ZNF276: variants seen among roughly 807,000 people sequenced by gnomAD.
The protein encoded by ZNF276 is zinc finger protein 276.
Under a neutral mutation model 63.9 loss-of-function variants are expected in ZNF276, and 59 were observed. The ratio of observed to expected loss-of-function variants is 0.92; its 90% confidence interval spans 0.75 to 1.15. The LOEUF (loss-of-function observed/expected upper bound fraction) is 1.15. Among genes scored for constraint, ZNF276 ranks in the 50% most tolerant of loss-of-function variants. ZNF276 has a pLI of 0.00. For missense variants in ZNF276, 1,084 were observed against 843.8 expected, an observed-to-expected ratio of 1.28 and a Z score of -3.53; for synonymous variants, 496 against 348.4, an observed-to-expected ratio of 1.42 and a Z score of -4.72.
chr16:89,739,659 T>C lies in ZNF276; in HGVS notation c.*1413T>C. On this transcript the variant is annotated 3_prime_UTR_variant, in exon 11 of 11. Transcript: ENST00000443381. ...ACGTGTACCCTGGGAGGCCTGGCTG[T>C]GGGGATAGTGTGGGGCGAACAGCCT... The C allele has an allele frequency of 2.7e-6, 4 of 1,507,722 alleles. No individual in the cohort carries two copies. Among genetic ancestry groups the C allele is most frequent in the Non-Finnish European group, 3.6e-6 (4 of 1,111,464 alleles). 93.4% of individuals were successfully genotyped at this position (1,507,722 alleles called of 1,614,324 possible).
At position 89,740,151 on chromosome 16, in the gene ZNF276, G is replaced by A. The variant is rs1216610618; in HGVS notation, c.*1905G>A. The A allele has an allele frequency of 7.1e-7, 1 of 1,398,728 alleles. No individual in the cohort carries two copies. 86.6% of individuals were successfully genotyped at this position (1,398,728 alleles called of 1,614,324 possible). Reference sequence around the variant, plus strand: ...AGAATGGCCGACCTGGTGCTCCCATGGGTAGGAGGGTACAGCCCTCAGCAC... The same window carrying A: ...AGAATGGCCGACCTGGTGCTCCCATAGGTAGGAGGGTACAGCCCTCAGCAC... On this transcript the variant is annotated 3_prime_UTR_variant, in exon 11 of 11. Transcript: ENST00000443381.
At chr16:89,720,510 A>T, upstream of ZNF276, 1 of 1,143,634 alleles carries the variant, frequency 8.7e-7, no homozygotes, top group Non-Finnish European at 1.1e-6. Context: ...CTACAGGTGG[A>T]GCCCAGGCTG....
intron 8 of ZNF276, 85 bp downstream of exon 8, chr16:89,733,642 C>CA (rs2061749184): frequency 6.7e-7 from 1 of 1,501,082 alleles, no homozygotes; most frequent in Admixed American, 1.7e-5. Context: ...CAGCCTAACT[C>CA]AGACTTGCGC....
In ZNF276 at chr16:89,739,546, C is replaced by T. The variant is rs2151713027; in HGVS notation, c.*1300C>T. The T allele has an allele frequency of 1.3e-6, 2 of 1,551,260 alleles. No homozygotes were observed. The highest frequency in any genetic ancestry group is 1.7e-6 in the Non-Finnish European group (2 of 1,147,020). ...CCACACGGAGGAGGAGCCGCCCCAGCCTGAGGTCTGCAACACCAAGAAGTG... is the reference window on the plus strand; with the variant it reads ...CCACACGGAGGAGGAGCCGCCCCAGTCTGAGGTCTGCAACACCAAGAAGTG... On this transcript the variant is annotated 3_prime_UTR_variant, in exon 11 of 11. Coordinates refer to ENST00000443381, the MANE Select transcript of ZNF276 (RefSeq NM_001113525.2).
chr16:89,723,855 C>G lies in ZNF276; in HGVS notation c.1006+146C>G, dbSNP rs914290669. The G allele has an allele frequency of 5.5e-6, 5 of 904,888 alleles. No homozygotes were observed. The East Asian group carries it at 1.1e-4, about 19-fold the overall frequency. 56.1% of individuals were successfully genotyped at this position (904,888 alleles called of 1,614,324 possible). ...GAGCAGAGCTTGGGGCTTCTGCCTG[C>G]GGCTGCTCACCACATCCAGAGAGCA... is the stretch of plus-strand genomic sequence containing the variant. On this transcript the variant is annotated intron_variant, in intron 4 of 10. Transcript: ENST00000443381.
At position 89,734,051 on chromosome 16, in the gene ZNF276, C is replaced by G; in HGVS notation, c.1474+13C>G. The G allele has an allele frequency of 2.5e-6, 4 of 1,611,276 alleles. No individual in the cohort carries two copies. The highest frequency in any genetic ancestry group is 3.4e-6 in the Non-Finnish European group (4 of 1,177,838). The stretch of plus-strand genomic sequence containing the variant: ...CTCATCCACACAGGTACGCCTATCG[C>G]CAGTGTCGCCCACGCGGGTGACAGC... On this transcript the variant is annotated intron_variant, in intron 9 of 10. Transcript: ENST00000443381.
In ZNF276 at chr16:89,722,812, G is replaced by C. The variant is rs748405201; in HGVS notation, c.487G>C (p.Gly163Arg). 1 of 1,604,266 alleles carries C rather than the reference G, an allele frequency of 6.2e-7. No homozygotes were observed. Among genetic ancestry groups the C allele is most frequent in the Non-Finnish European group, 8.5e-7 (1 of 1,179,908 alleles). The change falls in exon 2 of 11, where the codon GGT becomes CGT. Residue 163 changes from glycine to arginine, a missense_variant. Transcript: ENST00000443381. The stretch of plus-strand genomic sequence containing the variant: ...GCAGAGGGTCAACGCCTCCCCGGCT[G>C]GTCGCCGGAAGCCTTGTGCAAAGTA... ...FLQRVNASPAGRRKPCAKVGA... is the reference protein window; with the variant it reads ...FLQRVNASPARRRKPCAKVGA...
chr16:89,739,263 G>T lies in ZNF276; in HGVS notation c.*1017G>T, dbSNP rs201886956. The T allele has an allele frequency of 6.2e-7, 1 of 1,614,146 alleles. No homozygotes were observed. Among genetic ancestry groups the T allele is most frequent in the Non-Finnish European group, 8.5e-7 (1 of 1,180,044 alleles). On this transcript the variant is annotated 3_prime_UTR_variant, in exon 11 of 11. Transcript: ENST00000443381. ...CAGGAAGGCCTCTTCCCTGATGGCC[G>T]CGTCTTCATGGAAGTAGGAGAGAAG...
At chr16:89,723,224 A>G in intron 3 of ZNF276, 36 bp from the exon 4 acceptor site, 1 of 1,613,210 alleles carries the variant, frequency 6.2e-7, no homozygotes, top group African/African-American at 1.3e-5. Context: ...GGTGCCGACC[A>G]GCCGTGGATC....
chr16:89,737,442 G>A (rs904891623), intron 9 of ZNF276: 5 of 268,842 alleles, frequency 1.9e-5, no homozygotes, highest in African/African-American at 8.8e-5. Flanking sequence ...AATCGCTTGA[G>A]CCTGGGAGGC....
chr16:89,735,072 G>A (rs1471948869), intron 9 of ZNF276, among the ~76,000 whole-genome samples: 3 of 151,988 alleles, frequency 2.0e-5, no homozygotes, highest in African/African-American at 7.2e-5. Flanking sequence ...GGTGGAGGTT[G>A]CAGTGAGCCG....
Position 89,738,858 on chromosome 16 carries a change from C to G in ZNF276, c.*612C>G. On this transcript the variant is annotated 3_prime_UTR_variant, in exon 11 of 11. Transcript: ENST00000443381. ...TCAATTCTCATGTCCCCCACATGGC[C>G]CAAGGTGGGCATCTTGACGTTACCT... is the stretch of plus-strand genomic sequence containing the variant. The G allele has an allele frequency of 6.2e-7, 1 of 1,614,228 alleles. No homozygotes were observed. Among genetic ancestry groups the G allele is most frequent in the Non-Finnish European group, 8.5e-7 (1 of 1,180,032 alleles).
Position 89,738,335 on chromosome 16 carries a change from G to T in ZNF276, c.*89G>T, listed in dbSNP as rs2062019614. 1.3e-6 allele frequency: 2 copies of T among 1,498,084 alleles called. No homozygotes were observed. The highest frequency in any genetic ancestry group is 8.9e-7 in the Non-Finnish European group (1 of 1,123,646). The allele number at this position is 1,498,084 out of a possible 1,614,324, so 92.8% of individuals were successfully genotyped here. A position where few individuals can be genotyped will look rare whatever the true frequency, so the allele number is the denominator to read the frequency against. On this transcript the variant is annotated 3_prime_UTR_variant, in exon 11 of 11. Coordinates refer to ENST00000443381, the MANE Select transcript of ZNF276 (RefSeq NM_001113525.2). ...CCTTCGTGTGCACCCGCATGGGAGG[G>T]TCGGAGGGTGCTGCCCGCCCTTGGT...
rs1223906924 is a variant in ZNF276, at chr16:89,740,301, C to T, written c.*2055C>T. 2 of 599,310 alleles carry T rather than the reference C, an allele frequency of 3.3e-6. No individual in the cohort carries two copies. Among genetic ancestry groups the T allele is most frequent in the Non-Finnish European group, 6.0e-6 (2 of 334,308 alleles). The allele number at this position is 599,310 out of a possible 1,614,324, so 37.1% of individuals were successfully genotyped here. A position where few individuals can be genotyped will look rare whatever the true frequency, so the allele number is the denominator to read the frequency against. ...GTAGGAGGCCAGGGACTTCGAGCAC[C>T]CACACCAAGGCTGCTGCACCACGTC... On this transcript the variant is annotated 3_prime_UTR_variant, in exon 11 of 11. Transcript: ENST00000443381.
intron 9 of ZNF276, 46 bp downstream of exon 9, chr16:89,734,084 A>T (rs773876746): frequency 6.4e-7 from 1 of 1,572,334 alleles, no homozygotes; most frequent in Non-Finnish European, 8.7e-7. Flanking sequence ...AGCCAGGGGC[A>T]CGTGACCTGC....
In ZNF276 at chr16:89,734,116, A is replaced by G. The variant is rs966162590; in HGVS notation, c.1474+78A>G. The G allele has an allele frequency of 1.8e-5, 24 of 1,366,064 alleles. No individual in the cohort carries two copies. The Admixed American group carries it at 3.6e-4, about 21-fold the overall frequency. The allele number at this position is 1,366,064 out of a possible 1,614,324, so 84.6% of individuals were successfully genotyped here. A position where few individuals can be genotyped will look rare whatever the true frequency, so the allele number is the denominator to read the frequency against. ...CTGCTTTCCAGTCTTCCTCATACCC[A>G]TCCCCGCCCCAAGAGTTGGGGGTGC... On this transcript the variant is annotated intron_variant, in intron 9 of 10. Coordinates refer to ENST00000443381, the MANE Select transcript of ZNF276 (RefSeq NM_001113525.2).
chr16:89,722,521 C>T lies in ZNF276; in HGVS notation c.206-10C>T, dbSNP rs573975922. Reference sequence around the variant, plus strand: ...TGCCAGCTGCTAACACTTCCTGCCGCTCTGTGCAGGAGCAGGCCGGGCTCT... The same window carrying T: ...TGCCAGCTGCTAACACTTCCTGCCGTTCTGTGCAGGAGCAGGCCGGGCTCT... On this transcript the variant is annotated splice_polypyrimidine_tract_variant and intron_variant, in intron 1 of 10. Transcript: ENST00000443381. The T allele has an allele frequency of 6.2e-7, 1 of 1,601,560 alleles. No homozygotes were observed. Among genetic ancestry groups the T allele is most frequent in the Admixed American group, 1.7e-5 (1 of 59,446 alleles).
Position 89,733,938 on chromosome 16 carries a change from C to G in ZNF276, c.1374C>G (p.His458Gln). The change falls in exon 9 of 11, where the codon CAC (histidine) becomes CAG (glutamine). Residue 458 changes from histidine to glutamine, a missense_variant. By Grantham distance (24) the His-to-Gln change is conservative. Coordinates refer to ENST00000443381, the MANE Select transcript of ZNF276 (RefSeq NM_001113525.2). Reference sequence around the variant, plus strand: ...TCCTTCAGAAGCACATCAAGGAGCACCACGAGGAGGTCCGGGAGCGGCCCT... The same window carrying G: ...TCCTTCAGAAGCACATCAAGGAGCAGCACGAGGAGGTCCGGGAGCGGCCCT... Reference protein sequence around the residue: ...ADGMKKHIKEHHEEVRERPCP... With the variant: ...ADGMKKHIKEQHEEVRERPCP... 6.2e-7 allele frequency: 1 copy of G among 1,613,892 alleles called. No homozygotes were observed. The highest frequency in any genetic ancestry group is 8.5e-7 in the Non-Finnish European group (1 of 1,179,998).
chr16:89,734,596 G>A (rs1038799715), intron 9 of ZNF276, among the ~76,000 whole-genome samples: 2 of 152,162 alleles, frequency 1.3e-5, no homozygotes, highest in Admixed American at 1.3e-4. Flanking sequence ...AGAGATTACA[G>A]GTGTGAGCAC....
Sources: allele counts gnomAD v4.1 joint callset (sites outside exome capture counted in the v4.1 genomes callset), GRCh38; gene constraint gnomAD v4.1.1; transcripts MANE v1.5; gene names NCBI Gene and HGNC (gene_info 2026-07-23, HGNC 2026-07-21).